Variants in AFG2A observed in about 807,000 individuals in gnomAD.
AFG2A encodes AAA ATPase AFG2A, also known as ATPase family gene 2 protein homolog A.
the AFG2A span, among the ~76,000 whole-genome samples, chr4:123,101,913 G>T: frequency 6.6e-6 from 1 of 151,858 alleles, no homozygotes; most frequent in Non-Finnish European, 1.5e-5. Flanking sequence ...GCAGACAGAT[G>T]GTTGCAGAGA....
the AFG2A span, among the ~76,000 whole-genome samples, chr4:123,135,325 G>C: frequency 6.6e-6 from 1 of 152,118 alleles, no homozygotes; most frequent in Non-Finnish European, 1.5e-5. Context: ...AGAGCTAAAG[G>C]CTTTTTTTCT....
chr4:123,173,011 T>A, the AFG2A span, among the ~76,000 whole-genome samples: 3 of 152,102 alleles, frequency 2.0e-5, no homozygotes, highest in Non-Finnish European at 4.4e-5. Context: ...TGTAGAAAAC[T>A]TAAATAGGTT....
chr4:122,964,784 C>T, the AFG2A span, among the ~76,000 whole-genome samples: 1 of 152,078 alleles, frequency 6.6e-6, no homozygotes, highest in Non-Finnish European at 1.5e-5. Flanking sequence ...ACAGCAGTCA[C>T]TTATAATATA....
the AFG2A span, among the ~76,000 whole-genome samples, chr4:122,971,361 T>C: frequency 6.6e-6 from 1 of 152,134 alleles, no homozygotes; most frequent in Non-Finnish European, 1.5e-5. Context: ...GAGCTGAGAT[T>C]GCACCACTAC....
At chr4:122,923,249 G>T in the AFG2A span, 1 of 1,614,142 alleles carries the variant, frequency 6.2e-7, no homozygotes, top group South Asian at 1.1e-5. Flanking sequence ...CCTTCTGCTG[G>T]ATCAGACTTC....
the AFG2A span, among the ~76,000 whole-genome samples, chr4:123,163,790 G>A: frequency 1.7e-3 from 264 of 152,294 alleles, no homozygotes; most frequent in African/African-American, 6.0e-3. Flanking sequence ...TTTAGTAAAT[G>A]AAGAGAGGAC....
chr4:123,050,739 CT>C, the AFG2A span, among the ~76,000 whole-genome samples: 870 of 140,068 alleles, frequency 6.2e-3, 3 homozygotes, highest in Middle Eastern at 0.015. Context: ...ATAGTTGTGT[CT>C]TTTTTTTTTT....
At chr4:123,066,715 A>G in the AFG2A span, among the ~76,000 whole-genome samples, 1 of 152,212 alleles carries the variant, frequency 6.6e-6, no homozygotes, top group Non-Finnish European at 1.5e-5. Context: ...AGTTACTAAA[A>G]TCAATGGCAT....
chr4:122,944,146 G>T, the AFG2A span, among the ~76,000 whole-genome samples: 14 of 152,132 alleles, frequency 9.2e-5, no homozygotes, highest in Admixed American at 4.6e-4. Flanking sequence ...GTATCTTTGT[G>T]GCGTTCTCTG....
At chr4:123,041,855 A>C in the AFG2A span, among the ~76,000 whole-genome samples, 3 of 152,170 alleles carry the variant, frequency 2.0e-5, no homozygotes, top group Non-Finnish European at 2.9e-5. Context: ...AAGATTAATC[A>C]TCTTGGGTTA....
the AFG2A span, among the ~76,000 whole-genome samples, chr4:123,280,928 T>G: frequency 6.6e-6 from 1 of 152,152 alleles, no homozygotes; most frequent in Non-Finnish European, 1.5e-5. Context: ...TGTATTTGCC[T>G]TAATAATCAT....
At chr4:123,221,770 C>T in the AFG2A span, among the ~76,000 whole-genome samples, 1 of 151,640 alleles carries the variant, frequency 6.6e-6, no homozygotes, top group South Asian at 2.1e-4. Flanking sequence ...ACTAAAAATA[C>T]AAAAAAATTA....
the AFG2A span, among the ~76,000 whole-genome samples, chr4:123,159,631 C>T: frequency 9.9e-5 from 15 of 152,212 alleles, no homozygotes; most frequent in African/African-American, 3.6e-4. Flanking sequence ...GAGTGCATAG[C>T]ATGTAGAGCC....
chr4:123,214,531 A>C, the AFG2A span, among the ~76,000 whole-genome samples: 4 of 151,984 alleles, frequency 2.6e-5, no homozygotes, highest in African/African-American at 9.7e-5. Flanking sequence ...ATATTGGAAA[A>C]ATTTTTGGAC....
chr4:123,174,481 A>G, the AFG2A span, among the ~76,000 whole-genome samples: 2 of 152,202 alleles, frequency 1.3e-5, no homozygotes, highest in Non-Finnish European at 1.5e-5. Context: ...AGTTTCTTAG[A>G]TAGCTAAGTC....
the AFG2A span, among the ~76,000 whole-genome samples, chr4:123,022,736 G>A: frequency 1.3e-4 from 19 of 151,190 alleles, no homozygotes; most frequent in African/African-American, 3.2e-4. Flanking sequence ...ACATGCACAC[G>A]TATGTTTATT....
At chr4:123,002,314 A>G in the AFG2A span, among the ~76,000 whole-genome samples, 4 of 152,062 alleles carry the variant, frequency 2.6e-5, no homozygotes, top group Admixed American at 6.5e-5. Context: ...ATTTAAAGTT[A>G]ATATCGTTAT....
the AFG2A span, among the ~76,000 whole-genome samples, chr4:123,211,700 G>A: frequency 1.3e-5 from 2 of 152,110 alleles, no homozygotes; most frequent in East Asian, 3.9e-4. Context: ...GAGTCCTAAC[G>A]AGTAGTGAAA....
chr4:123,006,940 T>TG, the AFG2A span, among the ~76,000 whole-genome samples: 1 of 151,418 alleles, frequency 6.6e-6, no homozygotes, highest in Non-Finnish European at 1.5e-5. Context: ...TTTACTCTCT[T>TG]TTTTTTTCTT....
Sources: allele counts gnomAD v4.1 joint callset (sites outside exome capture counted in the v4.1 genomes callset), GRCh38; gene constraint gnomAD v4.1.1; transcripts MANE v1.5; gene names NCBI Gene and HGNC (gene_info 2026-07-23, HGNC 2026-07-21).